EXOC4: variants seen among roughly 807,000 people sequenced by gnomAD.
EXOC4 encodes SEC8-like 1.
EXOC4 carries 71 observed loss-of-function variants against 107.2 expected under a neutral mutation model. The ratio of observed to expected loss-of-function variants is 0.66; its 90% CI spans 0.55 to 0.81. The LOEUF (loss-of-function observed/expected upper bound fraction) is 0.81, where lower values mean the gene tolerates loss of function less well. Ranked by LOEUF, EXOC4 falls within the 30% of genes least tolerant of loss-of-function variation. EXOC4 has a pLI of 0.00. For missense variants in EXOC4, 1,108 were observed against 1,189.6 expected (o/e 0.93, Z 1.01); for synonymous variants, 456 against 441.2 (o/e 1.03, Z -0.42).
Position 133,356,370 on chromosome 7 carries a change from A to G in EXOC4, c.804A>G (p.Glu268=). The change falls in exon 6 of 18, where the codon GAA becomes GAG. Residue 268 remains glutamate (E), a synonymous_variant. Transcript: ENST00000253861. The part of the protein sequence containing the change: ...INLQDIKEDL[E]LDPEENSTLF... The stretch of plus-strand genomic sequence containing the variant: ...TGCAGGACATCAAGGAAGATTTAGA[A>G]TTGGATCCAGAGGAAAACAGCACCC... 1 of 1,614,132 alleles carries G rather than the reference A, an allele frequency of 6.2e-7. No individual in the cohort carries two copies. Among genetic ancestry groups the G allele is most frequent in the Non-Finnish European group, 8.5e-7 (1 of 1,179,974 alleles).
At chr7:133,967,358 C>G (rs1224105755) in intron 14 of EXOC4, among the ~76,000 whole-genome samples, 2 of 151,418 alleles carry the variant, frequency 1.3e-5, no homozygotes, top group Non-Finnish European at 3.0e-5. Context: ...GTTATTTATT[C>G]TCTTCTGCTA....
chr7:133,957,194 T>C (rs1800838659), intron 14 of EXOC4, among the ~76,000 whole-genome samples: 2 of 152,220 alleles, frequency 1.3e-5, no homozygotes, highest in African/African-American at 4.8e-5. Context: ...GCATGTCTCA[T>C]TGAATGGATT....
At chr7:133,617,860 G>C (rs560824006) in intron 9 of EXOC4, among the ~76,000 whole-genome samples, 6 of 152,290 alleles carry the variant, frequency 3.9e-5, no homozygotes, top group South Asian at 4.1e-4. Flanking sequence ...ATGAGTTCCA[G>C]GTTGGTAGTG....
chr7:133,272,793 C>G (rs1003063154), intron 1 of EXOC4, among the ~76,000 whole-genome samples: 3 of 152,182 alleles, frequency 2.0e-5, no homozygotes, highest in Non-Finnish European at 4.4e-5. Context: ...AATTTCCTCT[C>G]TAATCTTCAT....
intron 7 of EXOC4, among the ~76,000 whole-genome samples, chr7:133,467,226 C>T (rs1584939817): frequency 6.9e-6 from 1 of 143,926 alleles, no homozygotes; most frequent in Non-Finnish European, 1.5e-5. Flanking sequence ...TTTATTTCTC[C>T]TTTTTTTTTT....
chr7:133,517,989 G>A (rs1300524560), intron 9 of EXOC4, among the ~76,000 whole-genome samples: 1 of 151,632 alleles, frequency 6.6e-6, no homozygotes, highest in Non-Finnish European at 1.5e-5. Flanking sequence ...ATTTGGACTG[G>A]CTCGATTAGG....
At chr7:133,675,390 A>G (rs1390081280) in intron 10 of EXOC4, among the ~76,000 whole-genome samples, 2 of 152,164 alleles carry the variant, frequency 1.3e-5, no homozygotes, top group African/African-American at 4.8e-5. Flanking sequence ...ATGCCTGATT[A>G]TATTCTAAGA....
chr7:134,029,201 G>C (rs780917842), intron 17 of EXOC4, among the ~76,000 whole-genome samples: 1 of 152,142 alleles, frequency 6.6e-6, no homozygotes, highest in Non-Finnish European at 1.5e-5. Context: ...TCCTCACTGT[G>C]GGAGTTCCAA....
intron 11 of EXOC4, among the ~76,000 whole-genome samples, chr7:133,855,291 TCTA>T (rs1405467595): frequency 6.6e-6 from 1 of 150,844 alleles, no homozygotes; most frequent in Non-Finnish European, 1.5e-5. Flanking sequence ...CCTGGAATAA[TCTA>T]CTAATCTAAA....
intron 10 of EXOC4, among the ~76,000 whole-genome samples, chr7:133,796,026 ATTTC>A (rs1796806822): frequency 6.6e-6 from 1 of 152,106 alleles, no homozygotes; most frequent in Admixed American, 6.5e-5. Context: ...GCTTCCTTTT[ATTTC>A]TTTTTTCCTA....
intron 6 of EXOC4, among the ~76,000 whole-genome samples, chr7:133,358,602 A>G (rs185551228): frequency 5.6e-4 from 85 of 152,246 alleles, no homozygotes; most frequent in African/African-American, 1.9e-3. Context: ...TGAATACTCT[A>G]AAATTCTGGT....
At chr7:133,380,921 G>A (rs1298232300) in intron 7 of EXOC4, among the ~76,000 whole-genome samples, 2 of 152,142 alleles carry the variant, frequency 1.3e-5, no homozygotes, top group African/African-American at 4.8e-5. Context: ...GCCAAGATAT[G>A]GCAGTGTTCT....
At chr7:133,722,521 T>C (rs1795126271) in intron 10 of EXOC4, among the ~76,000 whole-genome samples, 1 of 152,174 alleles carries the variant, frequency 6.6e-6, no homozygotes, top group Non-Finnish European at 1.5e-5. Context: ...CAATTGCATG[T>C]CTCTATCAGT....
intron 15 of EXOC4, among the ~76,000 whole-genome samples, chr7:134,004,586 A>C (rs1023899593): frequency 3.3e-5 from 5 of 152,274 alleles, no homozygotes; most frequent in African/African-American, 9.6e-5. Flanking sequence ...ACTCCTTCCC[A>C]ACACTGTATA....
intron 10 of EXOC4, among the ~76,000 whole-genome samples, chr7:133,773,771 CG>C (rs1796292319): frequency 6.6e-6 from 1 of 151,838 alleles, no homozygotes. Context: ...TGTCACCACC[CG>C]GGCTACAACC....
chr7:133,279,374 G>C (rs1190635375), intron 2 of EXOC4, among the ~76,000 whole-genome samples: 1 of 152,154 alleles, frequency 6.6e-6, no homozygotes, highest in East Asian at 1.9e-4. Context: ...TCTAGTTCTA[G>C]ATCCCTGAGG....
In EXOC4 at chr7:133,342,472, C is replaced by T. The variant is rs189541856; in HGVS notation, c.764-13858C>T. Reference sequence around the variant, plus strand: ...GTTAAGATTCTTTCCTTTGTCTTGACTTTAGATAACCTAATGACTATATGC... The same window carrying T: ...GTTAAGATTCTTTCCTTTGTCTTGATTTTAGATAACCTAATGACTATATGC... On this transcript the variant is annotated intron_variant, in intron 5 of 17. Transcript: ENST00000253861. 3.5e-3 allele frequency among the ~76,000 whole-genome samples: 540 copies of T among 152,242 alleles called. 4 individuals are homozygous for T. Among genetic ancestry groups the T allele is most frequent in the Non-Finnish European group, 6.0e-3 (409 of 68,014 alleles).
chr7:133,823,885 TATATATATTTTATATATATATATATAAA>T (rs1797621286), intron 11 of EXOC4, among the ~76,000 whole-genome samples: 3 of 22,006 alleles, frequency 1.4e-4, no homozygotes, highest in African/African-American at 6.6e-4. Flanking sequence ...TATATATATA[TATATATATTTTATATATATATATATAAA>T]TATATATATA....
At chr7:133,512,768 C>T (rs183685535) in intron 9 of EXOC4, among the ~76,000 whole-genome samples, 1 of 152,320 alleles carries the variant, frequency 6.6e-6, no homozygotes, top group Non-Finnish European at 1.5e-5. Context: ...GTTACTCCTT[C>T]TACGCCTCAG....
Sources: gnomAD v4.1 joint callset for allele counts (sites outside exome capture counted in the v4.1 genomes callset) on GRCh38, gnomAD v4.1.1 for gene constraint, MANE v1.5 for transcripts, NCBI Gene and HGNC (gene_info 2026-07-23, HGNC 2026-07-21) for gene names.